Variants in ADAMTSL1 observed in about 807,000 individuals in gnomAD.
ADAMTSL1 encodes the protein ADAMTS-like protein 1.
ADAMTSL1 carries 126 observed loss-of-function variants against 201.8 expected under a neutral mutation model. That is an observed-to-expected ratio of 0.62 (90% CI 0.54 to 0.72). The LOEUF is 0.72. Among genes scored for constraint, ADAMTSL1 ranks in the 30% least tolerant of loss-of-function variants. The pLI is 0.00. For synonymous variants in ADAMTSL1, 1,121 were observed against 903.4 expected, an observed-to-expected ratio of 1.24 and a Z score of -4.32; for missense variants, 2,679 against 2,277.8, an observed-to-expected ratio of 1.18 and a Z score of -3.59.
chr9:18,677,054 GATGTTTATATAATACATAT>G (rs1199944482), intron 10 of ADAMTSL1, among the ~76,000 whole-genome samples: 3 of 151,536 alleles, frequency 2.0e-5, no homozygotes, highest in African/African-American at 7.3e-5. Context: ...CACATCTATC[GATGTTTATATAATACATAT>G]ATACAAGTGA....
chr9:18,171,932 A>G (rs1827912052), intron 2 of ADAMTSL1, among the ~76,000 whole-genome samples: 1 of 152,130 alleles, frequency 6.6e-6, no homozygotes, highest in Non-Finnish European at 1.5e-5. Context: ...TTTATTAAAT[A>G]GGGAATCCTT....
At chr9:18,281,064 G>C (rs1832769300) in intron 2 of ADAMTSL1, among the ~76,000 whole-genome samples, 1 of 152,006 alleles carries the variant, frequency 6.6e-6, no homozygotes, top group African/African-American at 2.4e-5. Context: ...TTCTTGTAGA[G>C]ACAGGTGTTC....
chr9:18,024,130 AT>A (rs1420181724), intron 1 of ADAMTSL1, among the ~76,000 whole-genome samples: 1 of 151,762 alleles, frequency 6.6e-6, no homozygotes, highest in Non-Finnish European at 1.5e-5. Flanking sequence ...TTATTTTTTT[AT>A]TGGTAAAAAT....
chr9:17,981,364 AT>A (rs1327561254), intron 1 of ADAMTSL1, among the ~76,000 whole-genome samples: 1 of 152,212 alleles, frequency 6.6e-6, no homozygotes, highest in African/African-American at 2.4e-5. Flanking sequence ...CCCTGGAAAT[AT>A]TTTTAAGCTT....
rs567380909 is a variant in ADAMTSL1 at position 18,692,816 on chromosome 9, A to T, written c.1574+8016A>T. On this transcript the variant is annotated intron_variant, in intron 13 of 28. Coordinates refer to ENST00000380548, the MANE Select transcript of ADAMTSL1 (RefSeq NM_001040272.6). ...TGAGAACTACAAATGCAGTGATAGCATTGTAAGCTGTGATGGCATCTGAGT... is the reference window on the plus strand; with the variant it reads ...TGAGAACTACAAATGCAGTGATAGCTTTGTAAGCTGTGATGGCATCTGAGT... Among the ~76,000 whole-genome samples the T allele has an allele frequency of 4.6e-5, 7 of 152,356 alleles. No homozygotes were observed. In the East Asian group the frequency reaches 1.3e-3, roughly 29 times the overall value.
intron 4 of ADAMTSL1, among the ~76,000 whole-genome samples, chr9:18,585,786 A>G (rs1426424839): frequency 6.6e-6 from 1 of 152,232 alleles, no homozygotes; most frequent in Non-Finnish European, 1.5e-5. Context: ...CCAGAGATGC[A>G]AGGTTGATTC....
At chr9:18,169,442 G>A (rs936433679) in intron 2 of ADAMTSL1, among the ~76,000 whole-genome samples, 1 of 152,080 alleles carries the variant, frequency 6.6e-6, no homozygotes, top group Non-Finnish European at 1.5e-5. Context: ...TTGTAGATAT[G>A]TGGCATTATT....
At chr9:18,005,943 A>G (rs1053423169) in intron 1 of ADAMTSL1, among the ~76,000 whole-genome samples, 3 of 151,978 alleles carry the variant, frequency 2.0e-5, no homozygotes. Flanking sequence ...CATAAAATCT[A>G]TCTCATAGAC....
intron 1 of ADAMTSL1, among the ~76,000 whole-genome samples, chr9:17,941,271 A>T (rs1287928654): frequency 6.6e-6 from 1 of 152,014 alleles, no homozygotes; most frequent in Non-Finnish European, 1.5e-5. Context: ...GGTAAATTGG[A>T]AACTTCTAAT....
At chr9:18,461,319 G>A (rs1051780006) in intron 2 of ADAMTSL1, among the ~76,000 whole-genome samples, 2 of 152,012 alleles carry the variant, frequency 1.3e-5, no homozygotes, top group African/African-American at 4.8e-5. Context: ...AGGAAATCAA[G>A]TCAATTTATC....
At chr9:18,149,736 G>C (rs1198402023) in intron 1 of ADAMTSL1, among the ~76,000 whole-genome samples, 1 of 152,084 alleles carries the variant, frequency 6.6e-6, no homozygotes, top group Non-Finnish European at 1.5e-5. Context: ...AAGCAACAAT[G>C]TGTTGGACTG....
At chr9:18,637,196 T>C (rs911098125) in intron 6 of ADAMTSL1, among the ~76,000 whole-genome samples, 1 of 152,174 alleles carries the variant, frequency 6.6e-6, no homozygotes, top group Admixed American at 6.6e-5. Context: ...AGTTTGTTTC[T>C]AATCCTGAAC....
chr9:18,762,102 A>G (rs1195494440), intron 16 of ADAMTSL1, among the ~76,000 whole-genome samples: 1 of 152,218 alleles, frequency 6.6e-6, no homozygotes, highest in Non-Finnish European at 1.5e-5. Flanking sequence ...AACATTTATG[A>G]AGTGCATGCT....
intron 3 of ADAMTSL1, among the ~76,000 whole-genome samples, chr9:18,552,278 AT>A: frequency 6.6e-6 from 1 of 151,834 alleles, no homozygotes; most frequent in Non-Finnish European, 1.5e-5. Context: ...ATAAAAAAAA[AT>A]TTTCATTATC....
At chr9:18,173,683 A>G (rs1382641551) in intron 2 of ADAMTSL1, among the ~76,000 whole-genome samples, 1 of 152,128 alleles carries the variant, frequency 6.6e-6, no homozygotes, top group African/African-American at 2.4e-5. Flanking sequence ...AAAAGCCCCA[A>G]CACTAATGCA....
intron 2 of ADAMTSL1, among the ~76,000 whole-genome samples, chr9:18,274,598 A>G (rs1832513630): frequency 6.6e-6 from 1 of 152,218 alleles, no homozygotes; most frequent in Non-Finnish European, 1.5e-5. Flanking sequence ...TTAGAGAGAA[A>G]CAAGTCTGAA....
chr9:18,545,593 T>A (rs1820421944), intron 3 of ADAMTSL1, among the ~76,000 whole-genome samples: 1 of 152,140 alleles, frequency 6.6e-6, no homozygotes, highest in South Asian at 2.1e-4. Flanking sequence ...AATCCAAGAA[T>A]CCTTGCTGAA....
At chr9:18,177,763 TG>T (rs1828240615) in intron 2 of ADAMTSL1, among the ~76,000 whole-genome samples, 1 of 152,174 alleles carries the variant, frequency 6.6e-6, no homozygotes, top group African/African-American at 2.4e-5. Flanking sequence ...TATATCTCAC[TG>T]GCAAGGATTT....
intron 2 of ADAMTSL1, among the ~76,000 whole-genome samples, chr9:18,306,659 GAACA>G (rs1833920399): frequency 6.6e-6 from 1 of 151,998 alleles, no homozygotes; most frequent in Admixed American, 6.6e-5. Context: ...GAATGAAAAG[GAACA>G]AACAAAGCCT....
Sources: allele counts gnomAD v4.1 joint callset (sites outside exome capture counted in the v4.1 genomes callset), GRCh38; gene constraint gnomAD v4.1.1; transcripts MANE v1.5; gene names NCBI Gene and HGNC (gene_info 2026-07-23, HGNC 2026-07-21).